Variants in CAST observed in about 807,000 individuals in gnomAD.
CAST encodes calpastatin.
A neutral mutation model predicts 119.6 loss-of-function variants in CAST; 76 were observed. The observed-to-expected ratio is 0.64, with a 90% confidence interval of 0.53 to 0.77. The LOEUF (loss-of-function observed/expected upper bound fraction) is 0.77. Among genes scored for constraint, CAST ranks in the 30% least tolerant of loss-of-function variants. CAST has a pLI of 0.00. For missense variants in CAST, 953 were observed against 946.5 expected (o/e 1.01, Z -0.09); for synonymous variants, 319 against 331.6 (o/e 0.96, Z 0.41).
intron 1 of CAST, among the ~76,000 whole-genome samples, chr5:96,604,852 G>T (rs1454013180): frequency 6.6e-6 from 1 of 152,232 alleles, no homozygotes; most frequent in African/African-American, 2.4e-5. Flanking sequence ...CAGCTCAGAA[G>T]AGTGGGCTCA....
chr5:96,085,724 C>T, the CAST span, among the ~76,000 whole-genome samples: 1 of 152,216 alleles, frequency 6.6e-6, no homozygotes, highest in Non-Finnish European at 1.5e-5. Flanking sequence ...CTTCTCAAGC[C>T]CATCAGCAGC....
At chr5:96,321,863 G>T in the CAST span, among the ~76,000 whole-genome samples, 4,502 of 152,220 alleles carry the variant, frequency 0.03, 257 homozygotes, top group African/African-American at 0.1. Flanking sequence ...CAGGTCCATT[G>T]TTATTATTTC....
intron 29 of CAST, among the ~76,000 whole-genome samples, chr5:96,768,680 C>G (rs2150759121): frequency 6.6e-6 from 1 of 152,274 alleles, no homozygotes; most frequent in South Asian, 2.1e-4. Flanking sequence ...TGAGAGCAGG[C>G]CCTAACTACA....
chr5:96,488,442 C>G, the CAST span, among the ~76,000 whole-genome samples: 1 of 152,176 alleles, frequency 6.6e-6, no homozygotes, highest in Non-Finnish European at 1.5e-5. Context: ...TTTGTTTCAT[C>G]TTATATTTTC....
At chr5:96,663,231 G>A in intron 1 of CAST, 1 of 702,644 alleles carries the variant, frequency 1.4e-6, no homozygotes, top group Non-Finnish European at 2.6e-6. Context: ...GAGTGTGTTT[G>A]CTTTGCCCTT....
At chr5:96,741,100 G>T in intron 13 of CAST, 166 bp from the exon 14 acceptor site, 1 of 603,470 alleles carries the variant, frequency 1.7e-6, no homozygotes, top group South Asian at 2.0e-5. Flanking sequence ...TCAATGAGTA[G>T]CCACTCTCTT....
chr5:96,436,980 G>A, the CAST span, among the ~76,000 whole-genome samples: 3 of 152,146 alleles, frequency 2.0e-5, no homozygotes, highest in Non-Finnish European at 1.5e-5. Flanking sequence ...GCTTGCAGCA[G>A]GTTGCTGAAG....
At chr5:96,481,744 A>C in the CAST span, among the ~76,000 whole-genome samples, 2 of 152,210 alleles carry the variant, frequency 1.3e-5, no homozygotes, top group Non-Finnish European at 1.5e-5. Flanking sequence ...AACTTCCAAT[A>C]AAGACATATA....
the CAST span, among the ~76,000 whole-genome samples, chr5:96,176,530 T>C: frequency 2.0e-5 from 3 of 152,184 alleles, no homozygotes; most frequent in Admixed American, 6.5e-5. Flanking sequence ...TGCCAAGTTT[T>C]TGAGGATTTT....
In CAST at chr5:96,773,000, T is replaced by C. The variant is rs1312126586; in HGVS notation, c.*384T>C. On this transcript the variant is annotated 3_prime_UTR_variant, in exon 32 of 32. Coordinates refer to ENST00000675179, the MANE Select transcript of CAST (RefSeq NM_001750.7). Reference sequence around the variant, plus strand: ...GTGCCTGTAAATCTCATTTGTATTTTCAGTTTGCCCTTAATTTTTTTTGTT... The same window carrying C: ...GTGCCTGTAAATCTCATTTGTATTTCCAGTTTGCCCTTAATTTTTTTTGTT... 6.5e-6 allele frequency: 1 copy of C among 153,934 alleles called. No homozygotes were observed. The highest frequency in any genetic ancestry group is 1.5e-5 in the Non-Finnish European group (1 of 68,034). The allele number at this position is 153,934 out of a possible 1,614,324, so 9.5% of individuals were successfully genotyped here. A position where few individuals can be genotyped will look rare whatever the true frequency, so the allele number is the denominator to read the frequency against.
chr5:96,662,865 G>A (rs1339898464), intron 1 of CAST: 2 of 566,360 alleles, frequency 3.5e-6, no homozygotes, highest in Non-Finnish European at 6.2e-6. Context: ...AGTCTTCCGC[G>A]CTAAGGCCGG....
At chr5:96,356,089 G>A in the CAST span, among the ~76,000 whole-genome samples, 2 of 152,132 alleles carry the variant, frequency 1.3e-5, no homozygotes, top group Non-Finnish European at 2.9e-5. Context: ...AATGACCAGT[G>A]ATTATTAGCT....
At chr5:96,213,052 A>G in the CAST span, among the ~76,000 whole-genome samples, 25 of 152,046 alleles carry the variant, frequency 1.6e-4, no homozygotes, top group Admixed American at 1.6e-3. Context: ...CCAGGAGTTG[A>G]AGGCTATAGT....
chr5:96,081,441 CGGAAGTGGGAAAG>C, the CAST span, among the ~76,000 whole-genome samples: 1 of 152,088 alleles, frequency 6.6e-6, no homozygotes, highest in Non-Finnish European at 1.5e-5. Flanking sequence ...AGGAGGAGCA[CGGAAGTGGGAAAG>C]GGAAGAGGAT....
chr5:96,517,194 G>T, the CAST span, among the ~76,000 whole-genome samples: 1 of 142,628 alleles, frequency 7.0e-6, no homozygotes, highest in East Asian at 2.2e-4. Context: ...AAGACAATTT[G>T]TATATATGTT....
chr5:96,057,194 T>C, the CAST span, among the ~76,000 whole-genome samples: 7 of 152,186 alleles, frequency 4.6e-5, no homozygotes, highest in South Asian at 2.1e-4. Flanking sequence ...GTGATTGCTA[T>C]AAGAGTAGGT....
chr5:96,317,297 G>A, the CAST span, among the ~76,000 whole-genome samples: 1 of 134,828 alleles, frequency 7.4e-6, no homozygotes, highest in Non-Finnish European at 1.6e-5. Flanking sequence ...AACTGTGTCT[G>A]TACCAAAAAT....
chr5:96,620,489 AG>A (rs1747582991), intron 1 of CAST, among the ~76,000 whole-genome samples: 1 of 152,166 alleles, frequency 6.6e-6, no homozygotes, highest in Non-Finnish European at 1.5e-5. Context: ...TGATATCATG[AG>A]GGTAAATAAC....
chr5:96,527,514 G>A (rs766070276), upstream of CAST, among the ~76,000 whole-genome samples: 6 of 152,132 alleles, frequency 3.9e-5, no homozygotes, highest in Non-Finnish European at 8.8e-5. Context: ...TCATGGAGAA[G>A]TTCAGTAAAT....
Sources: allele counts gnomAD v4.1 joint callset (sites outside exome capture counted in the v4.1 genomes callset), GRCh38; gene constraint gnomAD v4.1.1; transcripts MANE v1.5; gene names NCBI Gene and HGNC (gene_info 2026-07-23, HGNC 2026-07-21).